Variants in FRMD4A observed in about 807,000 individuals in gnomAD.
FRMD4A encodes FERM domain-containing protein 4A.
A neutral mutation model predicts 129.1 loss-of-function variants in FRMD4A; 29 were observed. That is an observed-to-expected ratio of 0.22 (90% CI 0.17 to 0.31). The LOEUF is 0.31. Ranked by LOEUF, FRMD4A falls within the 10% of genes least tolerant of loss-of-function variation. The probability of loss-of-function intolerance (pLI) is 1.00; values close to 1 mark genes in which losing one functional copy is unlikely to be tolerated. For synonymous variants in FRMD4A, 634 were observed against 571.6 expected (o/e 1.11, Z -1.56); for missense variants, 1,272 against 1,375.8 (o/e 0.92, Z 1.19).
chr10:13,914,665 A>G (rs571471095), intron 2 of FRMD4A, among the ~76,000 whole-genome samples: 11 of 152,346 alleles, frequency 7.2e-5, no homozygotes, highest in Admixed American at 6.5e-4. Flanking sequence ...AGATTTAAAC[A>G]GACCAGCTAC....
chr10:14,124,329 G>A (rs1288416226), intron 2 of FRMD4A, among the ~76,000 whole-genome samples: 1 of 152,172 alleles, frequency 6.6e-6, no homozygotes, highest in East Asian at 1.9e-4. Context: ...CAGCAGCCCT[G>A]CAGGATACCT....
chr10:14,088,676 G>A (rs559213005), intron 2 of FRMD4A, among the ~76,000 whole-genome samples: 1 of 149,182 alleles, frequency 6.7e-6, no homozygotes, highest in Admixed American at 6.8e-5. Context: ...GCTGAGGCAG[G>A]AGAATGCCAT....
chr10:14,127,980 T>TTTCTTTCTCTC (rs1564319427), intron 2 of FRMD4A, among the ~76,000 whole-genome samples: 3 of 19,356 alleles, frequency 1.5e-4, no homozygotes, highest in Non-Finnish European at 1.0e-4. Flanking sequence ...CTTTCTTTCC[T>TTTCTTTCTCTC]TCTCTCTCTC....
At chr10:13,919,826 C>T (rs1048965132) in intron 2 of FRMD4A, among the ~76,000 whole-genome samples, 13 of 151,896 alleles carry the variant, frequency 8.6e-5, no homozygotes, top group Non-Finnish European at 1.5e-4. Flanking sequence ...TAATCCCAGC[C>T]ATTCGGGAGG....
At chr10:13,807,864 T>C (rs1447509959) in intron 4 of FRMD4A, among the ~76,000 whole-genome samples, 1 of 150,084 alleles carries the variant, frequency 6.7e-6, no homozygotes, top group Non-Finnish European at 1.5e-5. Flanking sequence ...AGTGGCACAC[T>C]CTCGGCTCAC....
chr10:14,257,831 A>AACTTGATTTCAG (rs1239278999), intron 2 of FRMD4A, among the ~76,000 whole-genome samples: 5 of 152,236 alleles, frequency 3.3e-5, no homozygotes, highest in Non-Finnish European at 5.9e-5. Context: ...TGGCCTTGCC[A>AACTTGATTTCAG]ACTTGATTTC....
intron 2 of FRMD4A, among the ~76,000 whole-genome samples, chr10:14,162,885 T>A (rs926129986): frequency 1.3e-5 from 2 of 152,262 alleles, no homozygotes; most frequent in Non-Finnish European, 2.9e-5. Context: ...TAAAATAAAT[T>A]ACAAGTTGCT....
chr10:13,925,773 CAG>C (rs965739226), intron 2 of FRMD4A, among the ~76,000 whole-genome samples: 1 of 151,258 alleles, frequency 6.6e-6, no homozygotes, highest in Non-Finnish European at 1.5e-5. Context: ...TTAGTAGAGA[CAG>C]GGTTTCACCG....
rs771652883 is a variant in FRMD4A at position 13,645,873 on chromosome 10, C to T, written c.*1165G>A. 4 of 152,532 alleles carry T rather than the reference C, an allele frequency of 2.6e-5. No homozygotes were observed. Among genetic ancestry groups the T allele is most frequent in the South Asian group, 4.1e-4 (2 of 4,832 alleles). The allele number at this position is 152,532 out of a possible 1,614,324, so 9.4% of individuals were successfully genotyped here. On this transcript the variant is annotated 3_prime_UTR_variant, in exon 25 of 25. Coordinates refer to ENST00000357447, the MANE Select transcript of FRMD4A (RefSeq NM_018027.5). ...CTTTTCCCTTGGTTTCCCATAAAAA[C>T]GAAAATGAAACACCTTGTGCAAAAA...
chr10:14,118,469 G>C (rs1031368400), intron 2 of FRMD4A, among the ~76,000 whole-genome samples: 4 of 152,152 alleles, frequency 2.6e-5, no homozygotes, highest in African/African-American at 9.7e-5. Context: ...ACAAACTTTT[G>C]TTTTCTGGCA....
intron 2 of FRMD4A, among the ~76,000 whole-genome samples, chr10:14,318,325 C>T (rs564746560): frequency 6.9e-6 from 1 of 144,032 alleles, no homozygotes; most frequent in African/African-American, 2.6e-5. Context: ...ATATCCCCCC[C>T]CACCTTTTTT....
chr10:13,768,384 C>T (rs1333256793), intron 6 of FRMD4A, among the ~76,000 whole-genome samples: 3 of 152,160 alleles, frequency 2.0e-5, no homozygotes, highest in Non-Finnish European at 4.4e-5. Flanking sequence ...GTGGTCTTTA[C>T]ATTTAACCAA....
rs191497610 is a variant in FRMD4A, at chr10:13,778,839, G to T, written c.384+4083C>A. ...CTCATCTTCATTCACTGGGAAAACA[G>T]GGATAAAAGGCTGCATCTATCTCTT... On this transcript the variant is annotated intron_variant, in intron 6 of 24. Coordinates refer to ENST00000357447, the MANE Select transcript of FRMD4A (RefSeq NM_018027.5). 1.7e-4 allele frequency among the ~76,000 whole-genome samples: 26 copies of T among 152,212 alleles called. 1 individual carries two copies. In the East Asian group the frequency reaches 3.5e-3, roughly 20 times the overall value.
rs536317527 is a variant in FRMD4A, at chr10:14,325,181, G to A, written c.45+4877C>T. Among the ~76,000 whole-genome samples, 10 of 152,300 alleles carry A rather than the reference G, an allele frequency of 6.6e-5. No individual in the cohort carries two copies. The East Asian group carries it at 1.5e-3, about 23-fold the overall frequency. On this transcript the variant is annotated intron_variant, in intron 2 of 24. Coordinates refer to ENST00000357447, the MANE Select transcript of FRMD4A (RefSeq NM_018027.5). ...AAGACAAAACTCAATTTTATTCTAT[G>A]CTTTTTGACAGTTGGGATCTGCGGA...
At chr10:14,021,943 T>G (rs1832776612) in intron 2 of FRMD4A, among the ~76,000 whole-genome samples, 1 of 152,004 alleles carries the variant, frequency 6.6e-6, no homozygotes, top group South Asian at 2.1e-4. Context: ...AATCATGAGA[T>G]TTCTGCGTTT....
intron 2 of FRMD4A, among the ~76,000 whole-genome samples, chr10:13,962,324 C>A (rs1186235555): frequency 1.3e-5 from 2 of 152,144 alleles, no homozygotes; most frequent in African/African-American, 4.8e-5. Flanking sequence ...ATGAAGATGA[C>A]AGTACTTGCC....
intron 5 of FRMD4A, among the ~76,000 whole-genome samples, chr10:13,789,570 AC>A (rs2092945084): frequency 6.7e-6 from 1 of 148,758 alleles, no homozygotes; most frequent in African/African-American, 2.6e-5. Context: ...ACACACACAC[AC>A]ACACACACAC....
At chr10:14,022,969 A>C (rs2447033) in intron 2 of FRMD4A, among the ~76,000 whole-genome samples, 149,995 of 152,232 alleles carry the variant, frequency 0.99, 73,907 homozygotes, top group East Asian at 1. Flanking sequence ...TCACACCAAC[A>C]CTTTGGCATG....
At chr10:13,685,229 G>A in intron 15 of FRMD4A, 2 of 983,692 alleles carry the variant, frequency 2.0e-6, no homozygotes, top group Non-Finnish European at 2.4e-6. Context: ...AGAGAGCATT[G>A]AAATTGAAGC....
Sources: gnomAD v4.1 joint callset for allele counts (sites outside exome capture counted in the v4.1 genomes callset) on GRCh38, gnomAD v4.1.1 for gene constraint, MANE v1.5 for transcripts, NCBI Gene and HGNC (gene_info 2026-07-23, HGNC 2026-07-21) for gene names.